The following CTNND2 variants were observed in gnomAD, a reference collection of about 807,000 sequenced individuals.
CTNND2 encodes the protein catenin delta 2, also known as catenin delta-2.
Under a neutral mutation model 144.4 loss-of-function variants are expected in CTNND2, and 22 were observed. The ratio of observed to expected loss-of-function variants is 0.15; its 90% CI spans 0.11 to 0.22. CTNND2 has a LOEUF of 0.22. CTNND2 is among the 10% of genes least tolerant of loss of function. The pLI is 1.00. For synonymous variants in CTNND2, 751 were observed against 695.6 expected (o/e 1.08, Z -1.25); for missense variants, 1,353 against 1,618.8 (o/e 0.84, Z 2.82).
chr5:11,411,243 T>C (rs61749768), intron 5 of CTNND2, among the ~76,000 whole-genome samples: 11 of 152,242 alleles, frequency 7.2e-5, no homozygotes, highest in African/African-American at 2.6e-4. Context: ...TAAAATGCAG[T>C]AGTCTAGATA....
intron 18 of CTNND2, among the ~76,000 whole-genome samples, chr5:11,005,444 T>C (rs1174946149): frequency 6.6e-6 from 1 of 152,150 alleles, no homozygotes; most frequent in African/African-American, 2.4e-5. Context: ...GATGGTAACG[T>C]TGATTCCAGA....
chr5:11,536,357 C>A (rs1033668840), intron 3 of CTNND2, among the ~76,000 whole-genome samples: 2 of 152,136 alleles, frequency 1.3e-5, no homozygotes, highest in African/African-American at 2.4e-5. Flanking sequence ...AGCCACTGCA[C>A]CTGGCCAAGT....
chr5:11,387,010 T>A (rs1402957089), intron 6 of CTNND2, among the ~76,000 whole-genome samples: 1 of 152,148 alleles, frequency 6.6e-6, no homozygotes, highest in Non-Finnish European at 1.5e-5. Context: ...TTAAATAGAT[T>A]GGGCTTCTCA....
intron 2 of CTNND2, among the ~76,000 whole-genome samples, chr5:11,587,073 C>T (rs1356764150): frequency 6.6e-6 from 1 of 152,132 alleles, no homozygotes; most frequent in East Asian, 1.9e-4. Context: ...CATACATATA[C>T]TGTGTCCTAT....
chr5:11,617,059 T>C (rs1780616017), intron 2 of CTNND2, among the ~76,000 whole-genome samples: 1 of 152,236 alleles, frequency 6.6e-6, no homozygotes. Context: ...CCATCATATC[T>C]ACTCGTATCA....
chr5:11,691,739 C>T (rs761781919), intron 2 of CTNND2, among the ~76,000 whole-genome samples: 14 of 151,918 alleles, frequency 9.2e-5, no homozygotes, highest in South Asian at 2.1e-4. Context: ...CCCCTCTCTA[C>T]GAAAATATTA....
At chr5:11,702,668 T>G (rs943951564) in intron 2 of CTNND2, among the ~76,000 whole-genome samples, 1 of 152,202 alleles carries the variant, frequency 6.6e-6, no homozygotes, top group African/African-American at 2.4e-5. Flanking sequence ...GGTGGAAATC[T>G]CAGGATAATC....
In CTNND2 at chr5:10,973,171, G is replaced by T; in HGVS notation, c.*282C>A. On this transcript the variant is annotated 3_prime_UTR_variant, in exon 22 of 22. Transcript: ENST00000304623. The surrounding 1 kb of genome is among the most constrained non-coding windows in gnomAD (Gnocchi z 5.6). Reference sequence around the variant, plus strand: ...CCTCGTCTCTCCTCCCATCAACCACGTTCAGTATAAAGCACTTCTCGTTAC... The same window carrying T: ...CCTCGTCTCTCCTCCCATCAACCACTTTCAGTATAAAGCACTTCTCGTTAC... The T allele has an allele frequency of 3.3e-6, 1 of 304,680 alleles. No individual in the cohort carries two copies. The allele number at this position is 304,680 out of a possible 1,614,324, so 18.9% of individuals were successfully genotyped here. A position where few individuals can be genotyped will look rare whatever the true frequency, so the allele number is the denominator to read the frequency against.
chr5:11,662,549 G>T (rs546811165), intron 2 of CTNND2, among the ~76,000 whole-genome samples: 1 of 151,962 alleles, frequency 6.6e-6, no homozygotes, highest in South Asian at 2.1e-4. Context: ...CTGATAAAAT[G>T]GTGTCCACCC....
At chr5:11,084,077 T>C (rs1024621) in intron 15 of CTNND2, 337,497 of 457,398 alleles carry the variant, frequency 0.74, 126,250 homozygotes, top group African/African-American at 0.94. Flanking sequence ...CTACTTTGTA[T>C]CTCAAGCTCT....
intron 11 of CTNND2, among the ~76,000 whole-genome samples, chr5:11,197,742 A>G (rs576307448): frequency 6.6e-6 from 1 of 152,302 alleles, no homozygotes; most frequent in East Asian, 1.9e-4. Flanking sequence ...GATAAGACAC[A>G]TGCTGCAGAA....
chr5:11,370,333 G>T lies in CTNND2; in HGVS notation c.1178-5443C>A, dbSNP rs1172926158. Among the ~76,000 whole-genome samples, 3 of 152,122 alleles carry T rather than the reference G, an allele frequency of 2.0e-5. No individual in the cohort carries two copies. The East Asian group carries it at 5.8e-4, about 29-fold the overall frequency. ...TCTGATTAGGTCAGCCAAGTGGGATGCATCAATGCACATTTTAATGGGCAC... is the reference window on the plus strand; with the variant it reads ...TCTGATTAGGTCAGCCAAGTGGGATTCATCAATGCACATTTTAATGGGCAC... On this transcript the variant is annotated intron_variant, in intron 7 of 21. Coordinates refer to ENST00000304623, the MANE Select transcript of CTNND2 (RefSeq NM_001332.4).
At chr5:11,651,869 G>A (rs1782660386) in intron 2 of CTNND2, among the ~76,000 whole-genome samples, 1 of 152,148 alleles carries the variant, frequency 6.6e-6, no homozygotes, top group Non-Finnish European at 1.5e-5. Context: ...TCAATAATTT[G>A]TTTTTATTTT....
Position 10,988,105 on chromosome 5 carries a change from G to A in CTNND2, c.3343+6C>T, listed in dbSNP as rs563187164. On this transcript the variant is annotated splice_donor_region_variant and intron_variant, in intron 20 of 21. Coordinates refer to ENST00000304623, the MANE Select transcript of CTNND2 (RefSeq NM_001332.4). The surrounding 1 kb of genome is among the most constrained non-coding windows in gnomAD (Gnocchi z 5.9). The stretch of plus-strand genomic sequence containing the variant: ...TTCCAGGAGGGGGCGCGCGAGGGGC[G>A]CTCACCTGTCATGGCATCTTTCCTG... The A allele has an allele frequency of 3.1e-6, 5 of 1,613,990 alleles. No individual in the cohort carries two copies. In the East Asian group the frequency reaches 1.1e-4, roughly 36 times the overall value.
intron 1 of CTNND2, among the ~76,000 whole-genome samples, chr5:11,802,258 C>G (rs1286045324): frequency 6.9e-6 from 1 of 145,516 alleles, no homozygotes; most frequent in Non-Finnish European, 1.5e-5. Flanking sequence ...GGCGATAGAG[C>G]AAGACTCTGT....
Position 11,810,557 on chromosome 5 carries a change from T to C in CTNND2, c.38-78285A>G, listed in dbSNP as rs1427639174. Among the ~76,000 whole-genome samples the C allele has an allele frequency of 3.9e-5, 6 of 152,336 alleles. No homozygotes were observed. The East Asian group carries it at 1.2e-3, about 29-fold the overall frequency. On this transcript the variant is annotated intron_variant, in intron 1 of 21. Coordinates refer to ENST00000304623, the MANE Select transcript of CTNND2 (RefSeq NM_001332.4). Reference sequence around the variant, plus strand: ...ATGTTAATTTCTAAATTAAAAATGATCACGTTTTCCTCTTACTATAAAAAT... The same window carrying C: ...ATGTTAATTTCTAAATTAAAAATGACCACGTTTTCCTCTTACTATAAAAAT...
intron 1 of CTNND2, among the ~76,000 whole-genome samples, chr5:11,898,224 G>A (rs1280152738): frequency 3.3e-5 from 5 of 152,214 alleles, no homozygotes; most frequent in African/African-American, 7.2e-5. Context: ...GGAGTGGGGA[G>A]GAGGAGAGCT....
At chr5:11,294,821 T>C (rs1311975591) in intron 9 of CTNND2, among the ~76,000 whole-genome samples, 2 of 152,158 alleles carry the variant, frequency 1.3e-5, no homozygotes, top group African/African-American at 4.8e-5. Context: ...TAGGTACTGA[T>C]GGACGTATCT....
intron 14 of CTNND2, among the ~76,000 whole-genome samples, chr5:11,104,737 G>A (rs183883172): frequency 6.6e-6 from 1 of 152,306 alleles, no homozygotes; most frequent in Admixed American, 6.5e-5. Context: ...CTGAGGCTGT[G>A]CAAAGAGGGG....
Sources: gnomAD v4.1 joint callset for allele counts (sites outside exome capture counted in the v4.1 genomes callset) on GRCh38, gnomAD v4.1.1 for gene constraint, Gnocchi (gnomAD v3.1) non-coding constraint, MANE v1.5 for transcripts, NCBI Gene and HGNC (gene_info 2026-07-23, HGNC 2026-07-21) for gene names.